The following STRBP variants were observed in gnomAD, a reference collection of about 807,000 sequenced individuals.
STRBP encodes spermatid perinuclear RNA binding protein, also known as spermatid perinuclear RNA-binding protein.
STRBP carries 13 observed loss-of-function variants against 80.1 expected under a neutral mutation model. The observed-to-expected ratio is 0.16, with a 90% confidence interval of 0.11 to 0.26. The LOEUF is 0.26. Ranked by LOEUF, STRBP falls within the 10% of genes least tolerant of loss-of-function variation. The pLI is 1.00. For missense variants in STRBP, 485 were observed against 815.2 expected, an observed-to-expected ratio of 0.59 and a Z score of 4.93; for synonymous variants, 284 against 291.2, an observed-to-expected ratio of 0.98 and a Z score of 0.25.
intron 17 of STRBP, 98 bp downstream of exon 17, chr9:123,132,747 T>A (rs72753291): frequency 6.7e-6 from 10 of 1,492,312 alleles, no homozygotes; most frequent in Non-Finnish European, 9.0e-6. Context: ...TGTGTTATAT[T>A]TCCACAAACC....
chr9:123,186,825 TAA>T (rs10534355), intron 2 of STRBP, among the ~76,000 whole-genome samples: 16,307 of 142,062 alleles, frequency 0.11, 1,816 homozygotes, highest in East Asian at 0.6. Flanking sequence ...TTTCTTTTTT[TAA>T]AAAAAAAAAA....
chr9:123,131,702 TA>T (rs889446163), intron 17 of STRBP, among the ~76,000 whole-genome samples: 2 of 152,232 alleles, frequency 1.3e-5, no homozygotes, highest in African/African-American at 2.4e-5. Flanking sequence ...ATTACTTGAT[TA>T]ATCTACGTCT....
intron 2 of STRBP, among the ~76,000 whole-genome samples, chr9:123,192,431 A>C (rs1347476706): frequency 6.6e-6 from 1 of 152,190 alleles, no homozygotes. Flanking sequence ...CAAAGGAGGC[A>C]AGATGTCTAA....
chr9:123,219,661 A>C (rs1335031615), intron 2 of STRBP, among the ~76,000 whole-genome samples: 1 of 152,212 alleles, frequency 6.6e-6, no homozygotes, highest in Non-Finnish European at 1.5e-5. Flanking sequence ...AGACGCAGTA[A>C]GGCAAAGTGG....
intron 2 of STRBP, among the ~76,000 whole-genome samples, chr9:123,198,549 T>G (rs1320280242): frequency 6.6e-6 from 1 of 152,224 alleles, no homozygotes; most frequent in Non-Finnish European, 1.5e-5. Context: ...ACCTATTGTG[T>G]GGGTTGCCTG....
intron 11 of STRBP, 68 bp from the exon 12 acceptor site, chr9:123,147,938 T>C (rs1039953823): frequency 6.0e-5 from 79 of 1,316,172 alleles, no homozygotes; most frequent in Non-Finnish European, 7.8e-5. Context: ...CATATGTATC[T>C]AACATGTTCA....
intron 5 of STRBP, among the ~76,000 whole-genome samples, chr9:123,171,205 A>C (rs1048467530): frequency 1.3e-5 from 2 of 152,184 alleles, no homozygotes; most frequent in Non-Finnish European, 2.9e-5. Context: ...GACACACCCA[A>C]AATAATAAAC....
At chr9:123,261,728 A>T (rs2041165200) in intron 1 of STRBP, among the ~76,000 whole-genome samples, 1 of 152,194 alleles carries the variant, frequency 6.6e-6, no homozygotes, top group Admixed American at 6.5e-5. Flanking sequence ...TTCAAAAACA[A>T]CCGAAAATAT....
intron 18 of STRBP, 139 bp from the exon 19 acceptor site, chr9:123,125,812 G>T: frequency 1.8e-6 from 1 of 544,332 alleles, no homozygotes; most frequent in Non-Finnish European, 3.1e-6. Flanking sequence ...TTTTGCAAGA[G>T]GCCCATAAAT....
chr9:123,193,939 T>C (rs2132491287), intron 2 of STRBP, among the ~76,000 whole-genome samples: 1 of 152,266 alleles, frequency 6.6e-6, no homozygotes, highest in African/African-American at 2.4e-5. Flanking sequence ...ACCATTAGCC[T>C]CAAAAGGCCC....
intron 1 of STRBP, among the ~76,000 whole-genome samples, chr9:123,238,236 C>T (rs1401476978): frequency 6.6e-6 from 1 of 152,164 alleles, no homozygotes; most frequent in African/African-American, 2.4e-5. Flanking sequence ...TCGCTTGACG[C>T]CAGGAATTCA....
At chr9:123,241,153 T>C (rs1210364393) in intron 1 of STRBP, among the ~76,000 whole-genome samples, 2 of 139,662 alleles carry the variant, frequency 1.4e-5, no homozygotes, top group African/African-American at 5.4e-5. Context: ...TACTCCAGCC[T>C]GGGCAACAAG....
rs1489833450 is a variant in STRBP at position 123,123,943 on chromosome 9, T to A, written c.*1654A>T. On this transcript the variant is annotated 3_prime_UTR_variant, in exon 19 of 19. Coordinates refer to ENST00000348403, the MANE Select transcript of STRBP (RefSeq NM_018387.5). Reference sequence around the variant, plus strand: ...TATGTCTAGCCACTAATGCACAGGATGAGAATGATAAGTTACAGCTATTTC... The same window carrying A: ...TATGTCTAGCCACTAATGCACAGGAAGAGAATGATAAGTTACAGCTATTTC... 3.0e-6 allele frequency: 3 copies of A among 985,244 alleles called. No homozygotes were observed. Among genetic ancestry groups the A allele is most frequent in the Non-Finnish European group, 3.6e-6 (3 of 829,942 alleles). The allele number at this position is 985,244 out of a possible 1,614,324, so 61.0% of individuals were successfully genotyped here.
At chr9:123,134,270 C>A (rs768703307) in intron 16 of STRBP, among the ~76,000 whole-genome samples, 16 of 152,208 alleles carry the variant, frequency 1.1e-4, no homozygotes, top group Non-Finnish European at 2.1e-4. Context: ...TCAAAGCGTA[C>A]TCTATGATAA....
rs1307172898 is a variant in STRBP at position 123,122,029 on chromosome 9, A to G, written c.*3568T>C. 4.9e-6 allele frequency: 1 copy of G among 204,794 alleles called. No homozygotes were observed. Among genetic ancestry groups the G allele is most frequent in the Non-Finnish European group, 9.9e-6 (1 of 100,736 alleles). The allele number at this position is 204,794 out of a possible 1,614,324, so 12.7% of individuals were successfully genotyped here. A position where few individuals can be genotyped will look rare whatever the true frequency, so the allele number is the denominator to read the frequency against. On this transcript the variant is annotated 3_prime_UTR_variant, in exon 19 of 19. Coordinates refer to ENST00000348403, the MANE Select transcript of STRBP (RefSeq NM_018387.5). ...AAAAAGCAGTTACAAGGGTATTAAA[A>G]CAAATGTTGAAAAATAACTATTTTA...
chr9:123,200,734 A>AT (rs71390418), intron 2 of STRBP, among the ~76,000 whole-genome samples: 404 of 37,490 alleles, frequency 0.011, 47 homozygotes, highest in Admixed American at 0.013. Context: ...CACCCCGCTA[A>AT]TTTTTTTTTT....
At chr9:123,240,537 A>G (rs1256839653) in intron 1 of STRBP, among the ~76,000 whole-genome samples, 2 of 152,252 alleles carry the variant, frequency 1.3e-5, no homozygotes, top group Non-Finnish European at 2.9e-5. Context: ...GATAGAATCA[A>G]TGGATATCAC....
intron 2 of STRBP, among the ~76,000 whole-genome samples, chr9:123,191,567 T>C (rs2038927448): frequency 6.6e-6 from 1 of 152,204 alleles, no homozygotes; most frequent in Non-Finnish European, 1.5e-5. Context: ...GGTGCAAATG[T>C]AGCCATACAT....
In STRBP at chr9:123,124,313, G is replaced by A. The variant is rs2035819363; in HGVS notation, c.*1284C>T. On this transcript the variant is annotated 3_prime_UTR_variant, in exon 19 of 19. Coordinates refer to ENST00000348403, the MANE Select transcript of STRBP (RefSeq NM_018387.5). ...CACACTGCTGCTCCTTCATGGGGGT[G>A]AGTACCTTAATGAAACCATTGACCT... is the stretch of plus-strand genomic sequence containing the variant. 3 of 985,432 alleles carry A rather than the reference G, an allele frequency of 3.0e-6. No individual in the cohort carries two copies. Among genetic ancestry groups the A allele is most frequent in the South Asian group, 9.4e-5 (2 of 21,286 alleles). The allele number at this position is 985,432 out of a possible 1,614,324, so 61.0% of individuals were successfully genotyped here.
Sources: allele counts gnomAD v4.1 joint callset (sites outside exome capture counted in the v4.1 genomes callset), GRCh38; gene constraint gnomAD v4.1.1; transcripts MANE v1.5; gene names NCBI Gene and HGNC (gene_info 2026-07-23, HGNC 2026-07-21).